LRRC7: variants seen among roughly 807,000 people sequenced by gnomAD.
LRRC7 encodes leucine-rich repeat-containing protein 7.
In LRRC7, 23 loss-of-function variants were observed where a neutral mutation model predicts 175.7. That is an observed-to-expected ratio of 0.13 (90% CI 0.09 to 0.19). LRRC7 has a LOEUF of 0.19. Among genes scored for constraint, LRRC7 ranks in the 10% least tolerant of loss-of-function variants. LRRC7 has a pLI of 1.00. For missense variants in LRRC7, 1,354 were observed against 1,904.7 expected (o/e 0.71, Z 5.38); for synonymous variants, 685 against 680.9 (o/e 1.01, Z -0.09).
chr1:70,027,289 ATATAT>A (rs2101992365), intron 17 of LRRC7, among the ~76,000 whole-genome samples: 1 of 152,210 alleles, frequency 6.6e-6, no homozygotes, highest in African/African-American at 2.4e-5. Flanking sequence ...TCTATTTTAA[ATATAT>A]TATAACAAGT....
chr1:69,927,798 T>C (rs1003696857), intron 7 of LRRC7, among the ~76,000 whole-genome samples: 2 of 152,214 alleles, frequency 1.3e-5, no homozygotes, highest in Non-Finnish European at 2.9e-5. Context: ...GAAGCCTTCT[T>C]CTCTCAACTC....
At chr1:69,724,966 G>GT (rs1411088050) in intron 2 of LRRC7, among the ~76,000 whole-genome samples, 1 of 151,874 alleles carries the variant, frequency 6.6e-6, no homozygotes, top group Non-Finnish European at 1.5e-5. Context: ...CAACATAAGG[G>GT]TTTGGGGCAC....
At chr1:69,709,249 C>T (rs968037363) in intron 2 of LRRC7, among the ~76,000 whole-genome samples, 4 of 152,194 alleles carry the variant, frequency 2.6e-5, no homozygotes, top group Admixed American at 6.5e-5. Context: ...TTGAGAGGCT[C>T]TCATTTGTAG....
chr1:69,666,497 G>A (rs1225689162), intron 1 of LRRC7, among the ~76,000 whole-genome samples: 1 of 151,972 alleles, frequency 6.6e-6, no homozygotes, highest in Non-Finnish European at 1.5e-5. Context: ...CTAATTACTA[G>A]TTATTGTTCT....
chr1:69,734,146 C>T (rs1357241215), intron 2 of LRRC7, among the ~76,000 whole-genome samples: 4 of 151,774 alleles, frequency 2.6e-5, no homozygotes, highest in Non-Finnish European at 5.9e-5. Flanking sequence ...TATCTTATTA[C>T]TAAAGCAAAA....
Position 70,021,014 on chromosome 1 carries a change from C to T in LRRC7, c.1430C>T (p.Ser477Leu). Residue 477 changes from serine to leucine, a missense_variant, in exon 16 of 27, where the codon TCA becomes TTA. This residue lies in a region of LRRC7 where 201 missense variants were observed against 481.4 expected (regional missense o/e 0.42). Coordinates refer to ENST00000651989, the MANE Select transcript of LRRC7 (RefSeq NM_001370785.2). ...TGGAATCTAACTGTAGATTTCCAGT[C>T]AGACAGTGACAGCTTTAACCCTACA... is the stretch of plus-strand genomic sequence containing the variant. ...QQPRGDEDFQ[S>L]DSDSFNPTLW... 1 of 1,603,420 alleles carries T rather than the reference C, an allele frequency of 6.2e-7. No individual in the cohort carries two copies. Among genetic ancestry groups the T allele is most frequent in the Non-Finnish European group, 8.5e-7 (1 of 1,175,000 alleles).
intron 2 of LRRC7, among the ~76,000 whole-genome samples, chr1:69,681,933 T>G (rs72673045): frequency 0.013 from 2,041 of 152,244 alleles, 25 homozygotes; most frequent in Non-Finnish European, 0.018. Flanking sequence ...ATTTATCATC[T>G]CACATTTTCT....
chr1:69,931,372 A>G (rs1287277853), intron 7 of LRRC7, 135 bp from the exon 8 acceptor site: 20 of 644,512 alleles, frequency 3.1e-5, no homozygotes, highest in Non-Finnish European at 4.2e-5. Flanking sequence ...TTTGAGATTT[A>G]CTTGTTGCTG....
At chr1:69,817,270 T>C (rs1191999416) in intron 4 of LRRC7, among the ~76,000 whole-genome samples, 4 of 151,942 alleles carry the variant, frequency 2.6e-5, no homozygotes, top group Non-Finnish European at 5.9e-5. Context: ...AAGTTTCAGG[T>C]CTTATATATA....
At chr1:69,831,622 T>C (rs1435335677) in intron 5 of LRRC7, among the ~76,000 whole-genome samples, 1 of 152,126 alleles carries the variant, frequency 6.6e-6, no homozygotes, top group Non-Finnish European at 1.5e-5. Context: ...CCCTCATTTT[T>C]CACTTGCCTC....
At position 70,042,287 on chromosome 1, in the gene LRRC7, G is replaced by A. The variant is rs571923064; in HGVS notation, c.3970-1667G>A. ...AGACTTATTATGTAAAACCAGTTTC[G>A]ACATAGCTGTGCTACTTAACATTCT... On this transcript the variant is annotated intron_variant, in intron 21 of 26. Coordinates refer to ENST00000651989, the MANE Select transcript of LRRC7 (RefSeq NM_001370785.2). Among the ~76,000 whole-genome samples, 61 of 152,240 alleles carry A rather than the reference G, an allele frequency of 4.0e-4. 1 individual carries two copies. In the South Asian group the frequency reaches 6.0e-3, roughly 15 times the overall value.
chr1:70,123,277 A>G lies in LRRC7; in HGVS notation c.*1390A>G, dbSNP rs898885905. 6.6e-6 allele frequency: 1 copy of G among 152,134 alleles called. No homozygotes were observed. The highest frequency in any genetic ancestry group is 1.5e-5 in the Non-Finnish European group (1 of 67,972). 9.4% of individuals were successfully genotyped at this position (152,134 alleles called of 1,614,324 possible). The stretch of plus-strand genomic sequence containing the variant: ...TTTCCCGGAGTTGGTTGCATGCATT[A>G]TCTTTCATAATTTTACATAGTTCTT... On this transcript the variant is annotated 3_prime_UTR_variant, in exon 27 of 27. Transcript: ENST00000651989.
chr1:69,720,654 T>A (rs530965348), intron 2 of LRRC7, among the ~76,000 whole-genome samples: 3 of 151,714 alleles, frequency 2.0e-5, no homozygotes, highest in Non-Finnish European at 4.4e-5. Flanking sequence ...AATTCTTTAT[T>A]GTATCTATGT....
At chr1:70,055,486 T>C (rs375055239) in intron 23 of LRRC7, among the ~76,000 whole-genome samples, 2 of 152,172 alleles carry the variant, frequency 1.3e-5, no homozygotes, top group East Asian at 1.9e-4. Context: ...TGGAAAGATA[T>C]GCTGTATTAG....
chr1:69,687,314 G>A (rs563465792), intron 2 of LRRC7, among the ~76,000 whole-genome samples: 46 of 152,066 alleles, frequency 3.0e-4, no homozygotes, highest in African/African-American at 1.0e-3. Flanking sequence ...TTCGACACCA[G>A]TCTGGCCAAG....
At position 70,142,141 on chromosome 1, in the gene LRRC7, G is replaced by A. The variant is rs547166797; in HGVS notation, c.*20254G>A. ...AAGCAGCTCCCATATCTGCTAGAAA[G>A]GTCATTAATTTTCAGAATATATTGT... On this transcript the variant is annotated 3_prime_UTR_variant, in exon 27 of 27. Coordinates refer to ENST00000651989, the MANE Select transcript of LRRC7 (RefSeq NM_001370785.2). 8 of 152,102 alleles carry A rather than the reference G, an allele frequency of 5.3e-5. 1 individual carries two copies. The East Asian group carries it at 1.2e-3, about 22-fold the overall frequency. The allele number at this position is 152,102 out of a possible 1,614,324, so 9.4% of individuals were successfully genotyped here. A position where few individuals can be genotyped will look rare whatever the true frequency, so the allele number is the denominator to read the frequency against.
chr1:69,763,533 G>A (rs1671269527), intron 3 of LRRC7, among the ~76,000 whole-genome samples: 1 of 152,020 alleles, frequency 6.6e-6, no homozygotes, highest in African/African-American at 2.4e-5. Flanking sequence ...CTGTAATTGG[G>A]CTAAATAATA....
At chr1:70,036,353 C>T in intron 19 of LRRC7, 91 bp from the exon 20 acceptor site, 1 of 1,430,172 alleles carries the variant, frequency 7.0e-7, no homozygotes, top group Non-Finnish European at 9.6e-7. Flanking sequence ...CATTTCTAAC[C>T]TTAATCGGTA....
chr1:69,680,378 T>C (rs975391622), intron 2 of LRRC7, among the ~76,000 whole-genome samples: 4 of 152,146 alleles, frequency 2.6e-5, no homozygotes, highest in Non-Finnish European at 5.9e-5. Context: ...TGTTCTCTAA[T>C]ATAAAGTATG....
Sources: gnomAD v4.1 joint callset for allele counts (sites outside exome capture counted in the v4.1 genomes callset) on GRCh38, gnomAD v4.1.1 for gene constraint, gnomAD v4.1.1 regional missense constraint, MANE v1.5 for transcripts, NCBI Gene and HGNC (gene_info 2026-07-23, HGNC 2026-07-21) for gene names.